The following DLG1 variants were observed in gnomAD, a reference collection of about 807,000 sequenced individuals.
DLG1 encodes disks large homolog 1.
DLG1 carries 42 observed loss-of-function variants against 123.4 expected under a neutral mutation model. The observed-to-expected ratio is 0.34, with a 90% CI of 0.27 to 0.44. The LOEUF (loss-of-function observed/expected upper bound fraction) is 0.44. Ranked by LOEUF, DLG1 falls within the 20% of genes least tolerant of loss-of-function variation. The probability of loss-of-function intolerance (pLI) is 1.00; values close to 1 mark genes in which losing one functional copy is unlikely to be tolerated. For synonymous variants in DLG1, 317 were observed against 356.2 expected (o/e 0.89, Z 1.24); for missense variants, 942 against 1,082.6 (o/e 0.87, Z 1.82).
At chr3:197,299,177 G>C (rs902616894), upstream of DLG1, 16 of 152,268 alleles carry the variant, frequency 1.1e-4, 1 homozygote, top group African/African-American at 3.9e-4. Context: ...TATAGAAGGG[G>C]AATCTCGGGA....
chr3:197,208,126 C>T (rs1022643711), intron 4 of DLG1, among the ~76,000 whole-genome samples: 3 of 141,204 alleles, frequency 2.1e-5, no homozygotes, highest in African/African-American at 7.9e-5. Flanking sequence ...AAAAAAAAAT[C>T]AAGTAATTCT....
At chr3:197,275,624 G>A (rs1281295338) in intron 4 of DLG1, among the ~76,000 whole-genome samples, 2 of 152,216 alleles carry the variant, frequency 1.3e-5, no homozygotes, top group African/African-American at 2.4e-5. Context: ...GATATCTTAT[G>A]AGAAATAAGC....
At chr3:197,079,857 A>G (rs987883096) in intron 17 of DLG1, among the ~76,000 whole-genome samples, 1 of 152,158 alleles carries the variant, frequency 6.6e-6, no homozygotes, top group Non-Finnish European at 1.5e-5. Context: ...TGAACCAAAG[A>G]TATTTCTCAT....
intron 4 of DLG1, among the ~76,000 whole-genome samples, chr3:197,254,189 C>A (rs73210567): frequency 4.6e-5 from 7 of 152,064 alleles, no homozygotes; most frequent in Non-Finnish European, 8.8e-5. Flanking sequence ...CACATTAGAT[C>A]GCCTTCATGG....
At chr3:197,199,009 G>A (rs958129743) in intron 4 of DLG1, among the ~76,000 whole-genome samples, 15 of 152,192 alleles carry the variant, frequency 9.9e-5, no homozygotes, top group Middle Eastern at 3.4e-3. Context: ...ACAACTCTGC[G>A]CACATAACCA....
intron 5 of DLG1, among the ~76,000 whole-genome samples, chr3:197,160,642 G>C (rs1415391357): frequency 6.6e-6 from 1 of 152,098 alleles, no homozygotes; most frequent in East Asian, 1.9e-4. Flanking sequence ...TAAGGCTGAA[G>C]TCATTGTAAC....
rs1280786473 is a variant in DLG1, at chr3:197,043,494, A to G, written c.*1129T>C. Reference sequence around the variant, plus strand: ...TTCAGTTCACATGATTAAGGAAGATAAGTCTATTCAATTAATATTTAATTT... The same window carrying G: ...TTCAGTTCACATGATTAAGGAAGATGAGTCTATTCAATTAATATTTAATTT... On this transcript the variant is annotated 3_prime_UTR_variant, in exon 25 of 25. Transcript: ENST00000667157. 6.7e-6 allele frequency: 1 copy of G among 150,194 alleles called. No individual in the cohort carries two copies. The highest frequency in any genetic ancestry group is 6.7e-5 in the Admixed American group (1 of 14,968). The allele number at this position is 150,194 out of a possible 1,614,324, so 9.3% of individuals were successfully genotyped here. A position where few individuals can be genotyped will look rare whatever the true frequency, so the allele number is the denominator to read the frequency against.
At chr3:197,129,815 C>T (rs1365793946) in intron 11 of DLG1, among the ~76,000 whole-genome samples, 1 of 152,072 alleles carries the variant, frequency 6.6e-6, no homozygotes, top group African/African-American at 2.4e-5. Flanking sequence ...AATGACTAGT[C>T]ATCAGAGGAG....
chr3:197,066,226 A>G (rs1165758553), intron 20 of DLG1, among the ~76,000 whole-genome samples: 1 of 152,176 alleles, frequency 6.6e-6, no homozygotes. Flanking sequence ...GATCTAACAG[A>G]AGTGTAAACT....
intron 4 of DLG1, among the ~76,000 whole-genome samples, chr3:197,276,481 ATGT>A (rs1481571770): frequency 6.6e-6 from 1 of 152,212 alleles, no homozygotes; most frequent in Admixed American, 6.5e-5. Flanking sequence ...CTTGCTGTCA[ATGT>A]AATTTGCATT....
intron 4 of DLG1, among the ~76,000 whole-genome samples, chr3:197,252,426 T>C (rs182702627): frequency 1.8e-4 from 27 of 152,318 alleles, no homozygotes; most frequent in Non-Finnish European, 3.5e-4. Context: ...AATTTTGACA[T>C]ATACTATAAC....
intron 5 of DLG1, among the ~76,000 whole-genome samples, chr3:197,189,073 A>G (rs562334586): frequency 6.6e-6 from 1 of 152,228 alleles, no homozygotes; most frequent in Non-Finnish European, 1.5e-5. Flanking sequence ...TTACAATTCT[A>G]TCAGAATACA....
chr3:197,183,567 T>C (rs1713866758), intron 5 of DLG1: 9 of 1,548,640 alleles, frequency 5.8e-6, no homozygotes, highest in Non-Finnish European at 7.0e-6. Context: ...CAACAAGTGG[T>C]ATGTTACCTG....
chr3:197,201,379 G>A (rs9843094), intron 4 of DLG1, among the ~76,000 whole-genome samples: 22,742 of 152,026 alleles, frequency 0.15, 1,809 homozygotes, highest in African/African-American at 0.19. Flanking sequence ...GTGAGACTCC[G>A]TCTCAAAAAA....
At chr3:197,267,267 T>G (rs1001538910) in intron 4 of DLG1, among the ~76,000 whole-genome samples, 1 of 152,138 alleles carries the variant, frequency 6.6e-6, no homozygotes, top group African/African-American at 2.4e-5. Flanking sequence ...AGATAAAAAA[T>G]TTTCAAAAGC....
At chr3:197,293,246 G>A (rs542505324) in intron 3 of DLG1, among the ~76,000 whole-genome samples, 106 of 152,238 alleles carry the variant, frequency 7.0e-4, no homozygotes, top group African/African-American at 2.5e-3. Context: ...ATGGACTTTT[G>A]TTAAGATACA....
intron 4 of DLG1, among the ~76,000 whole-genome samples, chr3:197,207,601 A>C (rs769991701): frequency 9.2e-5 from 14 of 152,216 alleles, no homozygotes; most frequent in African/African-American, 2.4e-4. Context: ...AAGTGTGCAC[A>C]ATCTTCAACA....
intron 4 of DLG1, among the ~76,000 whole-genome samples, chr3:197,275,312 G>A (rs1023243350): frequency 2.0e-5 from 3 of 152,134 alleles, no homozygotes; most frequent in Non-Finnish European, 4.4e-5. Flanking sequence ...CTGCTGATGG[G>A]AATATAAATT....
chr3:197,175,092 G>C (rs1195123264), intron 5 of DLG1, among the ~76,000 whole-genome samples: 2 of 152,196 alleles, frequency 1.3e-5, no homozygotes, highest in Admixed American at 1.3e-4. Context: ...GGCAAGTTGC[G>C]TGTATAGGCT....
Sources: allele counts gnomAD v4.1 joint callset (sites outside exome capture counted in the v4.1 genomes callset), GRCh38; gene constraint gnomAD v4.1.1; transcripts MANE v1.5; gene names NCBI Gene and HGNC (gene_info 2026-07-23, HGNC 2026-07-21).